Variants in EML6 observed in about 807,000 individuals in gnomAD.
EML6 encodes the protein echinoderm microtubule-associated protein-like 6.
EML6 carries 154 observed loss-of-function variants against 240.1 expected under a neutral mutation model. The observed-to-expected ratio is 0.64, with a 90% CI of 0.56 to 0.73. The LOEUF is 0.73. Ranked by LOEUF, EML6 falls within the 30% of genes least tolerant of loss-of-function variation. EML6 has a pLI of 0.00. For missense variants in EML6, 2,964 were observed against 2,474.6 expected (o/e 1.20, Z -4.20); for synonymous variants, 1,148 against 899.0 (o/e 1.28, Z -4.95).
chr2:54,802,662 A>G lies in EML6; in HGVS notation c.198-10570A>G, dbSNP rs567191296. Among the ~76,000 whole-genome samples the G allele has an allele frequency of 5.1e-3, 743 of 145,678 alleles. 8 individuals carry two copies. The highest frequency in any genetic ancestry group is 0.017 in the African/African-American group (640 of 37,842). ...TACTACTACTACTACTACTACTACT[A>G]CTACTGCTACTACTACTACTACCAA... On this transcript the variant is annotated intron_variant, in intron 2 of 41. Transcript: ENST00000356458.
At chr2:54,730,114 C>T (rs562903924) in intron 2 of EML6, among the ~76,000 whole-genome samples, 5 of 149,286 alleles carry the variant, frequency 3.3e-5, no homozygotes, top group South Asian at 2.1e-4. Flanking sequence ...CCAGCCTGGG[C>T]GACAAGAGTG....
rs147601553 is a variant in EML6, at chr2:54,815,114, T to C, written c.358-1673T>C. The stretch of plus-strand genomic sequence containing the variant: ...TTTGTTCTGAAGTGTCACAAGAAAA[T>C]GTAATGCAGCAGAGGAAAATCCAGC... On this transcript the variant is annotated intron_variant, in intron 3 of 41. Coordinates refer to ENST00000356458, the MANE Select transcript of EML6 (RefSeq NM_001039753.4). Among the ~76,000 whole-genome samples, 30 of 152,322 alleles carry C rather than the reference T, an allele frequency of 2.0e-4. 1 individual carries two copies. In the South Asian group the frequency reaches 3.3e-3, roughly 17 times the overall value.
chr2:54,818,443 C>G (rs1668176540), intron 4 of EML6, among the ~76,000 whole-genome samples: 1 of 152,182 alleles, frequency 6.6e-6, no homozygotes, highest in Admixed American at 6.5e-5. Flanking sequence ...TCTATTCAGA[C>G]CATGCCCAAA....
intron 2 of EML6, among the ~76,000 whole-genome samples, chr2:54,780,724 T>C (rs6708721): frequency 0.16 from 24,228 of 152,230 alleles, 3,339 homozygotes; most frequent in African/African-American, 0.36. Context: ...AAATATGGAA[T>C]GATAACGGAA....
intron 11 of EML6, among the ~76,000 whole-genome samples, chr2:54,857,566 A>T (rs902754436): frequency 6.6e-6 from 1 of 152,254 alleles, no homozygotes; most frequent in Non-Finnish European, 1.5e-5. Context: ...AAATATAAAC[A>T]TCTGATTGTG....
chr2:54,851,413 AAAAT>A (rs1210606626), intron 10 of EML6, among the ~76,000 whole-genome samples: 3 of 152,204 alleles, frequency 2.0e-5, no homozygotes, highest in African/African-American at 7.2e-5. Flanking sequence ...ACTCCATCTC[AAAAT>A]AAATAAATAA....
intron 26 of EML6, among the ~76,000 whole-genome samples, chr2:54,921,032 A>G (rs1486367296): frequency 1.3e-5 from 2 of 152,102 alleles, no homozygotes. Context: ...TGAAAAACCC[A>G]CAACTAACAT....
intron 28 of EML6, among the ~76,000 whole-genome samples, chr2:54,943,604 T>G (rs549814842): frequency 1.3e-5 from 2 of 152,278 alleles, no homozygotes; most frequent in East Asian, 3.9e-4. Flanking sequence ...TGGGGGCTCT[T>G]TAACCCCTGA....
chr2:54,933,526 G>A (rs1303848125), intron 28 of EML6, among the ~76,000 whole-genome samples: 1 of 152,074 alleles, frequency 6.6e-6, no homozygotes, highest in East Asian at 1.9e-4. Flanking sequence ...ATGAGGCCAG[G>A]AATTCAAGAC....
chr2:54,812,016 A>G (rs1667872129), intron 2 of EML6, among the ~76,000 whole-genome samples: 1 of 152,212 alleles, frequency 6.6e-6, no homozygotes, highest in Non-Finnish European at 1.5e-5. Flanking sequence ...TTTAAAGTAC[A>G]TATGTTGTTT....
At chr2:54,859,936 G>C (rs1323363426) in intron 12 of EML6, among the ~76,000 whole-genome samples, 1 of 152,202 alleles carries the variant, frequency 6.6e-6, no homozygotes, top group African/African-American at 2.4e-5. Context: ...TCAGCAACGT[G>C]ACATCTGCAA....
intron 22 of EML6, among the ~76,000 whole-genome samples, chr2:54,900,970 A>C (rs1383145335): frequency 1.3e-5 from 2 of 152,180 alleles, no homozygotes; most frequent in East Asian, 3.9e-4. Flanking sequence ...TGACCCTAAA[A>C]TATTTGTACT....
At chr2:54,801,518 G>T (rs1670148288) in intron 2 of EML6, among the ~76,000 whole-genome samples, 1 of 152,176 alleles carries the variant, frequency 6.6e-6, no homozygotes, top group Non-Finnish European at 1.5e-5. Flanking sequence ...GTCTGGGATT[G>T]CTTGCGCCAG....
intron 2 of EML6, among the ~76,000 whole-genome samples, chr2:54,802,641 A>ACTG (rs1670222270): frequency 6.7e-6 from 1 of 148,174 alleles, no homozygotes; most frequent in Non-Finnish European, 1.5e-5. Context: ...TACTACTACT[A>ACTG]CTACTACTAC....
chr2:54,955,044 C>G (rs1011420106), intron 32 of EML6, among the ~76,000 whole-genome samples: 1 of 152,208 alleles, frequency 6.6e-6, no homozygotes, highest in Admixed American at 6.5e-5. Flanking sequence ...TGAGCACCCC[C>G]ATATGAGGAA....
intron 24 of EML6, among the ~76,000 whole-genome samples, chr2:54,905,579 G>GTACA (rs1216079305): frequency 6.6e-6 from 1 of 152,136 alleles, no homozygotes; most frequent in Non-Finnish European, 1.5e-5. Flanking sequence ...TTTTTTAAGT[G>GTACA]TACAGTTCAA....
rs2255393 is a variant in EML6 at position 54,970,746 on chromosome 2, A to C, written c.*651A>C. ...CCTCCCACCAATTTCTCCTTTCTCC[A>C]TATGGTGCTAAAACCTCAAAGCTGA... On this transcript the variant is annotated 3_prime_UTR_variant, in exon 42 of 42. Coordinates refer to ENST00000356458, the MANE Select transcript of EML6 (RefSeq NM_001039753.4). 7.2e-5 allele frequency: 11 copies of C among 152,500 alleles called. No homozygotes were observed. The highest frequency in any genetic ancestry group is 2.7e-4 in the African/African-American group (11 of 41,344). 9.4% of individuals were successfully genotyped at this position (152,500 alleles called of 1,614,324 possible).
chr2:54,790,430 G>A (rs1669370756), intron 2 of EML6, among the ~76,000 whole-genome samples: 2 of 152,194 alleles, frequency 1.3e-5, no homozygotes, highest in Non-Finnish European at 2.9e-5. Flanking sequence ...GAATTGCAGA[G>A]TAAGTTTACA....
rs368958046 is a variant in EML6, at chr2:54,879,654, G to T, written c.2438+14G>T. On this transcript the variant is annotated intron_variant, in intron 17 of 41. Coordinates refer to ENST00000356458, the MANE Select transcript of EML6 (RefSeq NM_001039753.4). ...AGCCACAACAAGGTAAGAAGCTGCC[G>T]GGATCTTACGGTATCCTGCTGATAC... The T allele has an allele frequency of 6.9e-7, 1 of 1,443,088 alleles. No individual in the cohort carries two copies. The highest frequency in any genetic ancestry group is 9.5e-7 in the Non-Finnish European group (1 of 1,048,098). 89.4% of individuals were successfully genotyped at this position (1,443,088 alleles called of 1,614,324 possible). A position where few individuals can be genotyped will look rare whatever the true frequency, so the allele number is the denominator to read the frequency against.
Sources: allele counts gnomAD v4.1 joint callset (sites outside exome capture counted in the v4.1 genomes callset), GRCh38; gene constraint gnomAD v4.1.1; transcripts MANE v1.5; gene names NCBI Gene and HGNC (gene_info 2026-07-23, HGNC 2026-07-21).